Variants in ACCSL observed in about 807,000 individuals in gnomAD.
ACCSL encodes 1-aminocyclopropane-1-carboxylate synthase homolog (inactive) like.
A neutral mutation model predicts 61.7 loss-of-function variants in ACCSL; 55 were observed. That is an observed-to-expected ratio of 0.89 (90% CI 0.72 to 1.12). The LOEUF (loss-of-function observed/expected upper bound fraction) is 1.12. Ranked by LOEUF, ACCSL falls within the 50% of genes most tolerant of loss-of-function variation. The pLI is 0.00. For synonymous variants in ACCSL, 258 were observed against 264.3 expected (o/e 0.98, Z 0.23); for missense variants, 632 against 698.0 (o/e 0.91, Z 1.07).
the ACCSL span, among the ~76,000 whole-genome samples, chr11:43,988,637 A>T: frequency 6.6e-6 from 1 of 151,898 alleles, no homozygotes; most frequent in Non-Finnish European, 1.5e-5. Context: ...CTTATCACTA[A>T]GCTGCTGGGG....
At chr11:44,042,828 C>A in the ACCSL span, among the ~76,000 whole-genome samples, 1 of 152,200 alleles carries the variant, frequency 6.6e-6, no homozygotes, top group South Asian at 2.1e-4. Context: ...CACCTGTAAT[C>A]CCAGCACTTT....
intron 13 of ACCSL, 93 bp from the exon 14 acceptor site, chr11:44,059,744 GC>G: frequency 1.0e-6 from 1 of 984,906 alleles, no homozygotes. Context: ...TGAATGAGAG[GC>G]TTTTATGGTT....
At chr11:43,991,444 A>G in the ACCSL span, among the ~76,000 whole-genome samples, 13 of 152,282 alleles carry the variant, frequency 8.5e-5, no homozygotes, top group South Asian at 2.3e-3. Flanking sequence ...CTAAGTTTCC[A>G]TGGTTCATGC....
chr11:44,012,326 GC>G, the ACCSL span, among the ~76,000 whole-genome samples: 1 of 147,376 alleles, frequency 6.8e-6, no homozygotes, highest in African/African-American at 2.5e-5. Flanking sequence ...CGCTCTTTTT[GC>G]CCAGGCGGGA....
the ACCSL span, among the ~76,000 whole-genome samples, chr11:44,017,158 G>C: frequency 6.6e-6 from 1 of 152,182 alleles, no homozygotes; most frequent in Non-Finnish European, 1.5e-5. Flanking sequence ...GTCTATGGGG[G>C]TCCAGAGGAA....
At chr11:43,998,007 C>A in the ACCSL span, among the ~76,000 whole-genome samples, 31,673 of 152,156 alleles carry the variant, frequency 0.21, 4,069 homozygotes, top group East Asian at 0.32. Context: ...GGTTTAAAAG[C>A]ATGGTATTTT....
In ACCSL at chr11:44,048,113, A is replaced by T. The variant is rs995127281; in HGVS notation, c.77A>T (p.Tyr26Phe). The T allele has an allele frequency of 3.7e-6, 6 of 1,614,064 alleles. No homozygotes were observed. The highest frequency in any genetic ancestry group is 5.1e-6 in the Non-Finnish European group (6 of 1,180,040). ...RGRVPRDHSI[Y>F]TQLLEITLHL... Reference sequence around the variant, plus strand: ...CGGGTCCCCAGAGACCACAGCATCTATACCCAGCTGTTGGAGATAACGCTG... The same window carrying T: ...CGGGTCCCCAGAGACCACAGCATCTTTACCCAGCTGTTGGAGATAACGCTG... Residue 26 changes from tyrosine to phenylalanine, a missense_variant, in exon 1 of 14, where the codon TAT becomes TTT. Coordinates refer to ENST00000378832, the MANE Select transcript of ACCSL (RefSeq NM_001031854.2).
At chr11:43,966,283 G>A in the ACCSL span, among the ~76,000 whole-genome samples, 2 of 151,960 alleles carry the variant, frequency 1.3e-5, no homozygotes, top group Non-Finnish European at 1.5e-5. Context: ...AAAATTAGCT[G>A]GGCATAGTGG....
At chr11:43,936,887 C>CA in the ACCSL span, among the ~76,000 whole-genome samples, 1 of 152,084 alleles carries the variant, frequency 6.6e-6, no homozygotes, top group African/African-American at 2.4e-5. Flanking sequence ...CCCACCCCCC[C>CA]CTCCTGCCCT....
At chr11:43,947,118 T>C in the ACCSL span, 1 of 152,132 alleles carries the variant, frequency 6.6e-6, no homozygotes, top group Non-Finnish European at 1.5e-5. Context: ...AAGCTTCCAC[T>C]CATGGTGGAA....
Position 44,059,807 on chromosome 11 carries a change from A to G in ACCSL, c.1625-31A>G, listed in dbSNP as rs764850801. On this transcript the variant is annotated intron_variant, in intron 13 of 13. Coordinates refer to ENST00000378832, the MANE Select transcript of ACCSL (RefSeq NM_001031854.2). ...CCACCAGCAAACCTACTAAATCACT[A>G]TTTCTCTCTGTCCCCATTTGAACCC... is the stretch of plus-strand genomic sequence containing the variant. 3 of 1,602,210 alleles carry G rather than the reference A, an allele frequency of 1.9e-6. No homozygotes were observed. In the South Asian group the frequency reaches 3.3e-5, roughly 18 times the overall value.
At chr11:44,020,778 C>G in the ACCSL span, among the ~76,000 whole-genome samples, 4 of 152,126 alleles carry the variant, frequency 2.6e-5, no homozygotes, top group South Asian at 4.2e-4. Context: ...TCCTCACCCC[C>G]CTCCCACCAT....
intron 2 of ACCSL, 21 bp downstream of exon 2, chr11:44,050,142 G>A: frequency 6.2e-7 from 1 of 1,605,098 alleles, no homozygotes; most frequent in Non-Finnish European, 8.5e-7. Context: ...TCTGGGCTGT[G>A]TTGGGACCCA....
At chr11:44,041,474 G>T in the ACCSL span, among the ~76,000 whole-genome samples, 1 of 152,156 alleles carries the variant, frequency 6.6e-6, no homozygotes, top group African/African-American at 2.4e-5. Context: ...GAACCTCTAG[G>T]ATAGGTTGAA....
chr11:43,949,214 T>C, the ACCSL span, among the ~76,000 whole-genome samples: 1 of 152,106 alleles, frequency 6.6e-6, no homozygotes, highest in Non-Finnish European at 1.5e-5. Context: ...CCCCTCCAAC[T>C]CCCAGCAGCT....
the ACCSL span, among the ~76,000 whole-genome samples, chr11:44,001,841 G>A: frequency 6.9e-6 from 1 of 145,790 alleles, no homozygotes; most frequent in Admixed American, 7.1e-5. Flanking sequence ...AGAGGGTGGG[G>A]CTCCCCGACA....
At chr11:43,961,492 G>C in the ACCSL span, among the ~76,000 whole-genome samples, 3 of 152,260 alleles carry the variant, frequency 2.0e-5, no homozygotes, top group Non-Finnish European at 4.4e-5. Context: ...ACCTAGGTCT[G>C]TGACGTAAAG....
At chr11:44,003,173 T>A in the ACCSL span, among the ~76,000 whole-genome samples, 1 of 152,130 alleles carries the variant, frequency 6.6e-6, no homozygotes, top group East Asian at 1.9e-4. Context: ...AAAATTATGT[T>A]AAAAATGATA....
chr11:44,049,567 T>C (rs1314871054), intron 1 of ACCSL, among the ~76,000 whole-genome samples: 3 of 151,936 alleles, frequency 2.0e-5, no homozygotes, highest in Non-Finnish European at 4.4e-5. Flanking sequence ...TCTGTTCCTA[T>C]CTCTGTTCTC....
Sources: gnomAD v4.1 joint callset for allele counts (sites outside exome capture counted in the v4.1 genomes callset) on GRCh38, gnomAD v4.1.1 for gene constraint, MANE v1.5 for transcripts, NCBI Gene and HGNC (gene_info 2026-07-23, HGNC 2026-07-21) for gene names.